Variants in ESCO2 observed in about 807,000 individuals in gnomAD.
ESCO2 encodes N-acetyltransferase ESCO2.
ESCO2 carries 51 observed loss-of-function variants against 61.7 expected under a neutral mutation model. The observed-to-expected ratio is 0.83, with a 90% CI of 0.66 to 1.04. ESCO2 has a LOEUF of 1.04. ESCO2 is among the 50% of genes least tolerant of loss of function. The pLI is 0.00. For synonymous variants in ESCO2, 230 were observed against 238.2 expected, an observed-to-expected ratio of 0.97 and a Z score of 0.32; for missense variants, 692 against 686.2, an observed-to-expected ratio of 1.01 and a Z score of -0.09.
Position 27,783,165 on chromosome 8 carries a change from G to C in ESCO2, c.956-835G>C, listed in dbSNP as rs114365763. Among the ~76,000 whole-genome samples the C allele has an allele frequency of 9.5e-3, 1,438 of 152,054 alleles. 24 individuals are homozygous for C. The highest frequency in any genetic ancestry group is 0.032 in the African/African-American group (1,342 of 41,456). On this transcript the variant is annotated intron_variant, in intron 4 of 10. Coordinates refer to ENST00000305188, the MANE Select transcript of ESCO2 (RefSeq NM_001017420.3). Reference sequence around the variant, plus strand: ...TTACTCTCCTTCCCCTCAGCCCCCTGGCAACAATTAATCTGCTTTTTATTT... The same window carrying C: ...TTACTCTCCTTCCCCTCAGCCCCCTCGCAACAATTAATCTGCTTTTTATTT...
chr8:27,774,795 C>T (rs1368688247), intron 1 of ESCO2, 188 bp downstream of exon 1: 1 of 152,288 alleles, frequency 6.6e-6, no homozygotes, highest in Non-Finnish European at 1.5e-5. Context: ...TTCCCTCTTC[C>T]CGACGCCGGC....
intron 10 of ESCO2, among the ~76,000 whole-genome samples, chr8:27,801,716 G>A (rs1052772089): frequency 2.2e-4 from 33 of 152,014 alleles, no homozygotes; most frequent in Non-Finnish European, 4.4e-5. Flanking sequence ...CCTTTGTCAA[G>A]ATCTATTAAG....
intron 7 of ESCO2, 44 bp from the exon 8 acceptor site, chr8:27,791,919 C>A: frequency 6.5e-7 from 1 of 1,548,954 alleles, no homozygotes; most frequent in Non-Finnish European, 8.9e-7. Flanking sequence ...GTTTTTTTTC[C>A]TCTTCACAAA....
chr8:27,801,678 C>T (rs1805428756), intron 10 of ESCO2, among the ~76,000 whole-genome samples: 1 of 152,044 alleles, frequency 6.6e-6, no homozygotes, highest in African/African-American at 2.4e-5. Flanking sequence ...TAATTTCAAA[C>T]TTACGAAAGA....
chr8:27,782,453 G>A (rs1321741376), intron 4 of ESCO2, among the ~76,000 whole-genome samples: 4 of 152,058 alleles, frequency 2.6e-5, no homozygotes, highest in Non-Finnish European at 4.4e-5. Flanking sequence ...TAGTAGAGAC[G>A]GGGTTTCGCC....
downstream of ESCO2, among the ~76,000 whole-genome samples, chr8:27,806,215 G>C (rs544268252): frequency 2.0e-5 from 3 of 152,356 alleles, no homozygotes; most frequent in South Asian, 4.1e-4. Context: ...TTTGTGGGCA[G>C]AAGACATGCA....
chr8:27,804,153 C>A lies in ESCO2; in HGVS notation c.*715C>A. 1.0e-6 allele frequency: 1 copy of A among 985,186 alleles called. No individual in the cohort carries two copies. Among genetic ancestry groups the A allele is most frequent in the Non-Finnish European group, 1.2e-6 (1 of 829,828 alleles). The allele number at this position is 985,186 out of a possible 1,614,324, so 61.0% of individuals were successfully genotyped here. On this transcript the variant is annotated 3_prime_UTR_variant, in exon 11 of 11. Coordinates refer to ENST00000305188, the MANE Select transcript of ESCO2 (RefSeq NM_001017420.3). Reference sequence around the variant, plus strand: ...CAAGATGGTAAGGAATAAGATTATCCCATATGCATTTCTGTAGAGCAGAAT... The same window carrying A: ...CAAGATGGTAAGGAATAAGATTATCACATATGCATTTCTGTAGAGCAGAAT...
chr8:27,802,630 A>AAAAAATATAT (rs1554557661), intron 10 of ESCO2, among the ~76,000 whole-genome samples: 1 of 45,822 alleles, frequency 2.2e-5, no homozygotes, highest in Non-Finnish European at 3.5e-5. Flanking sequence ...AAAAAAAAAA[A>AAAAAATATAT]ATATATATAT....
At chr8:27,784,243 A>G (rs1804988546) in intron 5 of ESCO2, among the ~76,000 whole-genome samples, 186 bp downstream of exon 5, 1 of 152,186 alleles carries the variant, frequency 6.6e-6, no homozygotes, top group African/African-American at 2.4e-5. Flanking sequence ...TAAGAACTTA[A>G]GAGTTGAGAG....
intron 5 of ESCO2, 86 bp from the exon 6 acceptor site, chr8:27,787,799 C>A: frequency 2.0e-6 from 2 of 1,016,410 alleles, no homozygotes; most frequent in Non-Finnish European, 3.1e-6. Flanking sequence ...CTAAAAATTG[C>A]AAGGTACTCT....
intron 5 of ESCO2, among the ~76,000 whole-genome samples, chr8:27,786,017 T>C (rs1208488128): frequency 6.6e-6 from 1 of 152,162 alleles, no homozygotes; most frequent in Non-Finnish European, 1.5e-5. Flanking sequence ...GTTGCTAAAA[T>C]GGAAGCAAAG....
At chr8:27,798,413 C>T (rs901960957) in intron 9 of ESCO2, among the ~76,000 whole-genome samples, 5 of 151,574 alleles carry the variant, frequency 3.3e-5, no homozygotes, top group African/African-American at 4.9e-5. Flanking sequence ...TGAGCGAGAT[C>T]GTGCCACTGC....
At chr8:27,781,990 G>A (rs936808215) in intron 4 of ESCO2, among the ~76,000 whole-genome samples, 6 of 151,852 alleles carry the variant, frequency 4.0e-5, no homozygotes, top group African/African-American at 9.7e-5. Context: ...ACTATATTAC[G>A]TTTAATTGTC....
At chr8:27,779,868 T>C (rs1323295898) in intron 3 of ESCO2, 1 of 286,084 alleles carries the variant, frequency 3.5e-6, no homozygotes, top group Non-Finnish European at 6.8e-6. Flanking sequence ...GGTTTCACCA[T>C]GTTAGCCAGG....
chr8:27,781,213 T>G (rs1452066080), intron 4 of ESCO2, among the ~76,000 whole-genome samples: 1 of 152,226 alleles, frequency 6.6e-6, no homozygotes, highest in Non-Finnish European at 1.5e-5. Context: ...GGTCCTGATA[T>G]GCCCATTTAT....
At chr8:27,810,228 A>T (rs762797071), downstream of ESCO2, 1 of 974,170 alleles carries the variant, frequency 1.0e-6, no homozygotes, top group Non-Finnish European at 1.6e-6. Flanking sequence ...AGAGTCTAAT[A>T]ACTACTGATA....
chr8:27,796,032 T>C (rs1002112623), intron 9 of ESCO2, among the ~76,000 whole-genome samples: 4 of 152,128 alleles, frequency 2.6e-5, no homozygotes, highest in Non-Finnish European at 4.4e-5. Context: ...TCTTTAAATA[T>C]CTGGTAGAAT....
At position 27,777,151 on chromosome 8, in the gene ESCO2, TAA is replaced by T. The variant is rs1205483272; in HGVS notation, c.845_846del (p.Lys282ArgfsTer10). 2 of 1,600,834 alleles carry T rather than the reference TAA, an allele frequency of 1.2e-6. No homozygotes were observed. Among genetic ancestry groups the T allele is most frequent in the Non-Finnish European group, 1.7e-6 (2 of 1,176,986 alleles). On this transcript the variant is annotated frameshift_variant, in exon 3 of 11. Coordinates refer to ENST00000305188, the MANE Select transcript of ESCO2 (RefSeq NM_001017420.3). LOFTEE classifies it high-confidence loss of function. ...IGLLSASSKN[K>X]EKLIKDSSDD... ...GACTACTGAGTGCAAGCAGTAAAAATAAAGAGAAATTAATAAAGGTAAAGCTA... is the reference window on the plus strand; with the variant it reads ...GACTACTGAGTGCAAGCAGTAAAAATAGAGAAATTAATAAAGGTAAAGCTA...
At chr8:27,779,303 A>T (rs2128952004) in intron 3 of ESCO2, 1 of 152,272 alleles carries the variant, frequency 6.6e-6, no homozygotes, top group African/African-American at 2.4e-5. Context: ...CTCTGCTGGG[A>T]TATTATGGTT....
Sources: gnomAD v4.1 joint callset for allele counts (sites outside exome capture counted in the v4.1 genomes callset) on GRCh38, gnomAD v4.1.1 for gene constraint, MANE v1.5 for transcripts, NCBI Gene and HGNC (gene_info 2026-07-23, HGNC 2026-07-21) for gene names.